The following SEC14L5 variants were observed in gnomAD, a reference collection of about 807,000 sequenced individuals.
SEC14L5 encodes the protein SEC14 like lipid binding 5.
Under a neutral mutation model 84.6 loss-of-function variants are expected in SEC14L5, and 96 were observed. That is an observed-to-expected ratio of 1.13 (90% CI 0.96 to 1.34). The LOEUF (loss-of-function observed/expected upper bound fraction) is 1.34, where lower values mean the gene tolerates loss of function less well. SEC14L5 is among the 40% of genes most tolerant of loss of function. The pLI is 0.00. For missense variants in SEC14L5, 1,224 were observed against 942.5 expected (o/e 1.30, Z -3.91); for synonymous variants, 546 against 383.4 (o/e 1.42, Z -4.95).
At chr16:4,970,973 C>T (rs1024377962) in intron 2 of SEC14L5, among the ~76,000 whole-genome samples, 3 of 151,560 alleles carry the variant, frequency 2.0e-5, no homozygotes, top group South Asian at 2.1e-4. Flanking sequence ...CTGGGCGTGA[C>T]GGTATGTGCC....
rs575323103 is a variant in SEC14L5 at position 4,971,407 on chromosome 16, C to T, written c.63+12021C>T. 5.8e-4 allele frequency among the ~76,000 whole-genome samples: 88 copies of T among 152,206 alleles called. No individual in the cohort carries two copies. The South Asian group carries it at 9.8e-3, about 17-fold the overall frequency. On this transcript the variant is annotated intron_variant, in intron 2 of 15. Coordinates refer to ENST00000251170, the MANE Select transcript of SEC14L5 (RefSeq NM_014692.2). ...CCAGGAGGTCGAGGCTGCAGTGAGC[C>T]GTGATCTTGCCACTGCACTCCAGCC...
chr16:4,988,366 C>A (rs1440993747), intron 4 of SEC14L5, 86 bp downstream of exon 4: 10 of 1,500,900 alleles, frequency 6.7e-6, no homozygotes, highest in Non-Finnish European at 9.0e-6. Context: ...TCCCCACATT[C>A]CTTGAGCCTC....
intron 15 of SEC14L5, 32 bp downstream of exon 15, chr16:5,011,305 G>A (rs1239678266): frequency 6.3e-7 from 1 of 1,598,784 alleles, no homozygotes; most frequent in Non-Finnish European, 8.6e-7. Context: ...GTCCTGGGCA[G>A]GAAGGACCCT....
intron 4 of SEC14L5, among the ~76,000 whole-genome samples, chr16:4,990,374 G>T (rs1051550040): frequency 6.6e-6 from 1 of 152,168 alleles, no homozygotes; most frequent in Non-Finnish European, 1.5e-5. Context: ...TGTTGGCCAG[G>T]CTCGTCTCCA....
At chr16:4,961,393 A>G (rs986795200) in intron 2 of SEC14L5, among the ~76,000 whole-genome samples, 1 of 152,168 alleles carries the variant, frequency 6.6e-6, no homozygotes, top group Non-Finnish European at 1.5e-5. Flanking sequence ...CAGTGGTGCC[A>G]TCTTGGCTCA....
chr16:4,984,736 G>C (rs902724042), intron 2 of SEC14L5, among the ~76,000 whole-genome samples: 2 of 152,216 alleles, frequency 1.3e-5, no homozygotes, highest in Non-Finnish European at 2.9e-5. Flanking sequence ...AGTCATCCTA[G>C]TGGATGTGAA....
chr16:5,014,164 G>A (rs1416758625), intron 15 of SEC14L5, among the ~76,000 whole-genome samples: 4 of 152,270 alleles, frequency 2.6e-5, no homozygotes, highest in Non-Finnish European at 4.4e-5. Context: ...CAGTGCCTCA[G>A]TCGCATGGGC....
intron 2 of SEC14L5, among the ~76,000 whole-genome samples, chr16:4,959,869 C>G (rs972940621): frequency 6.6e-6 from 1 of 152,170 alleles, no homozygotes; most frequent in Non-Finnish European, 1.5e-5. Flanking sequence ...ACACTAAGTT[C>G]TGTATCTACG....
intron 2 of SEC14L5, among the ~76,000 whole-genome samples, chr16:4,961,088 G>A (rs1277218866): frequency 6.6e-6 from 1 of 152,162 alleles, no homozygotes; most frequent in Non-Finnish European, 1.5e-5. Flanking sequence ...CGTGTAACAC[G>A]GTGAAACCCC....
intron 13 of SEC14L5, 131 bp downstream of exon 13, chr16:5,007,617 T>C (rs1314362370): frequency 1.5e-5 from 13 of 880,736 alleles, no homozygotes; most frequent in Non-Finnish European, 1.8e-5. Context: ...TTTTTTTTTT[T>C]TTTTTTGGGA....
rs564248189 is a variant in SEC14L5, at chr16:4,961,141, C to T, written c.63+1755C>T. On this transcript the variant is annotated intron_variant, in intron 2 of 15. Coordinates refer to ENST00000251170, the MANE Select transcript of SEC14L5 (RefSeq NM_014692.2). Reference sequence around the variant, plus strand: ...AAGAAAAATTAGCCGGGCGTGGTGGCGCGCACCTGTAGTCCCATCTACTCG... The same window carrying T: ...AAGAAAAATTAGCCGGGCGTGGTGGTGCGCACCTGTAGTCCCATCTACTCG... Among the ~76,000 whole-genome samples the T allele has an allele frequency of 2.4e-3, 355 of 150,852 alleles. 1 individual carries two copies. Among genetic ancestry groups the T allele is most frequent in the Non-Finnish European group, 4.1e-3 (279 of 67,792 alleles).
intron 15 of SEC14L5, among the ~76,000 whole-genome samples, chr16:5,014,387 A>C (rs1001433261): frequency 6.6e-6 from 1 of 152,232 alleles, no homozygotes; most frequent in Non-Finnish European, 1.5e-5. Flanking sequence ...CCGTCTCTAT[A>C]CAAGAAAAGA....
Position 5,008,605 on chromosome 16 carries a change from G to A in SEC14L5, c.1757G>A (p.Arg586His), listed in dbSNP as rs770274168. 27 of 1,603,662 alleles carry A rather than the reference G, an allele frequency of 1.7e-5. No individual in the cohort carries two copies. The highest frequency in any genetic ancestry group is 1.1e-4 in the South Asian group (10 of 89,318). The change falls in exon 14 of 16, where the codon CGT becomes CAT. Residue 586 changes from arginine (R) to histidine (H), a missense_variant. By Grantham distance (29) the Arg-to-His change is conservative. Transcript: ENST00000251170. ...TGGGTCCTGGGCAGGGATTACAGCC[G>A]TGTGGAGGCTCCCCTTGTCTGCCGG... is the stretch of plus-strand genomic sequence containing the variant. ...KGWVLGRDYS[R>H]VEAPLVCREG...
Position 4,986,405 on chromosome 16 carries a change from G to A in SEC14L5, c.64-1152G>A, listed in dbSNP as rs551530281. Among the ~76,000 whole-genome samples the A allele has an allele frequency of 5.3e-5, 8 of 152,310 alleles. No homozygotes were observed. In the East Asian group the frequency reaches 1.5e-3, roughly 29 times the overall value. On this transcript the variant is annotated intron_variant, in intron 2 of 15. Coordinates refer to ENST00000251170, the MANE Select transcript of SEC14L5 (RefSeq NM_014692.2). ...TCCACCTGCCTTGGCCTCCCAAAGT[G>A]CTGGGATTGTATGCGTGAGCCACCA...
At chr16:4,980,871 C>G (rs918937111) in intron 2 of SEC14L5, among the ~76,000 whole-genome samples, 1 of 152,158 alleles carries the variant, frequency 6.6e-6, no homozygotes, top group South Asian at 2.1e-4. Context: ...AGCCCCATGT[C>G]TCATGCCTCC....
At chr16:4,974,068 G>C (rs1307790554) in intron 2 of SEC14L5, among the ~76,000 whole-genome samples, 2 of 152,082 alleles carry the variant, frequency 1.3e-5, no homozygotes, top group Admixed American at 1.3e-4. Flanking sequence ...TGGTTGTCTA[G>C]GACTGGGGTG....
intron 10 of SEC14L5, 23 bp downstream of exon 10, chr16:5,000,948 A>T (rs1445081447): frequency 1.3e-6 from 2 of 1,577,942 alleles, no homozygotes; most frequent in Non-Finnish European, 1.7e-6. Context: ...GCTGGGCACA[A>T]ATCCCCCCTA....
In SEC14L5 at chr16:5,016,062, G is replaced by C. The variant is rs1290322842; in HGVS notation, c.*1092G>C. 1 of 152,146 alleles carries C rather than the reference G, an allele frequency of 6.6e-6. No individual in the cohort carries two copies. The highest frequency in any genetic ancestry group is 2.4e-5 in the African/African-American group (1 of 41,426). The allele number at this position is 152,146 out of a possible 1,614,324, so 9.4% of individuals were successfully genotyped here. A position where few individuals can be genotyped will look rare whatever the true frequency, so the allele number is the denominator to read the frequency against. Reference sequence around the variant, plus strand: ...CAACACAAAAGCATGATCATTCATGGGTGCATAGAACTGGCCAGTCCAGGA... The same window carrying C: ...CAACACAAAAGCATGATCATTCATGCGTGCATAGAACTGGCCAGTCCAGGA... On this transcript the variant is annotated 3_prime_UTR_variant, in exon 16 of 16. Coordinates refer to ENST00000251170, the MANE Select transcript of SEC14L5 (RefSeq NM_014692.2).
chr16:4,973,257 C>T (rs942530747), intron 2 of SEC14L5, among the ~76,000 whole-genome samples: 8 of 152,200 alleles, frequency 5.3e-5, no homozygotes, highest in Non-Finnish European at 1.0e-4. Flanking sequence ...GTCCAGGTGC[C>T]CTGGCTGCAG....
Sources: allele counts gnomAD v4.1 joint callset (sites outside exome capture counted in the v4.1 genomes callset), GRCh38; gene constraint gnomAD v4.1.1; transcripts MANE v1.5; gene names NCBI Gene and HGNC (gene_info 2026-07-23, HGNC 2026-07-21).